SHISA6: variants seen among roughly 807,000 people sequenced by gnomAD.
SHISA6 encodes the protein shisa family member 6.
A neutral mutation model predicts 47.9 loss-of-function variants in SHISA6; 22 were observed. The ratio of observed to expected loss-of-function variants is 0.46; its 90% confidence interval spans 0.33 to 0.66. The LOEUF (loss-of-function observed/expected upper bound fraction) is 0.66. Among genes scored for constraint, SHISA6 ranks in the 30% least tolerant of loss-of-function variants. The pLI, the probability that SHISA6 is intolerant of heterozygous loss-of-function variation, is 0.02. For missense variants in SHISA6, 680 were observed against 764.6 expected (o/e 0.89, Z 1.30); for synonymous variants, 388 against 337.8 (o/e 1.15, Z -1.63).
In SHISA6 at chr17:11,434,262, C is replaced by G. The variant is rs143003592; in HGVS notation, c.895+54753C>G. On this transcript the variant is annotated intron_variant, in intron 3 of 5. Coordinates refer to ENST00000441885, the MANE Select transcript of SHISA6 (RefSeq NM_207386.4). ...TATTTTTAGTAGAGATGGGCTTTCA[C>G]TATGTTGGCCGAGACTGGTCTTGAA... Among the ~76,000 whole-genome samples the G allele has an allele frequency of 5.1e-3, 775 of 152,120 alleles. 9 individuals are homozygous for G. The highest frequency in any genetic ancestry group is 0.017 in the African/African-American group (703 of 41,500).
intron 3 of SHISA6, among the ~76,000 whole-genome samples, chr17:11,497,877 A>G (rs2071421240): frequency 6.6e-6 from 1 of 152,190 alleles, no homozygotes. Flanking sequence ...GTTAAAGCCC[A>G]TTCCTCTCTT....
intron 2 of SHISA6, among the ~76,000 whole-genome samples, chr17:11,356,591 C>T (rs984843699): frequency 6.6e-6 from 1 of 152,118 alleles, no homozygotes; most frequent in African/African-American, 2.4e-5. Context: ...AGTCACACTC[C>T]ATCTGCTTGG....
chr17:11,515,947 C>T (rs1334539202), intron 3 of SHISA6, among the ~76,000 whole-genome samples: 1 of 152,180 alleles, frequency 6.6e-6, no homozygotes, highest in Non-Finnish European at 1.5e-5. Flanking sequence ...CAGTTCTCTG[C>T]TTAATCTTTA....
At chr17:11,456,704 A>T (rs1178045637) in intron 3 of SHISA6, among the ~76,000 whole-genome samples, 1 of 151,060 alleles carries the variant, frequency 6.6e-6, no homozygotes, top group Non-Finnish European at 1.5e-5. Flanking sequence ...CCAGGGCTGG[A>T]CCGCCCCCCT....
At position 11,526,878 on chromosome 17, in the gene SHISA6, A is replaced by G. The variant is rs1293761455; in HGVS notation, c.896-25018A>G. Among the ~76,000 whole-genome samples the G allele has an allele frequency of 1.1e-3, 34 of 30,998 alleles. 1 individual carries two copies. In the Admixed American group the frequency reaches 0.015, roughly 14 times the overall value. 20.3% of individuals were successfully genotyped at this position (30,998 alleles called of 152,430 possible). On this transcript the variant is annotated intron_variant, in intron 3 of 5. Transcript: ENST00000441885. Reference sequence around the variant, plus strand: ...ATCTTGATGCCTCAAGCTATCTATCATCATATATATATATATATATATATA... The same window carrying G: ...ATCTTGATGCCTCAAGCTATCTATCGTCATATATATATATATATATATATA...
At chr17:11,302,364 T>C (rs545898908) in intron 2 of SHISA6, among the ~76,000 whole-genome samples, 199 of 152,340 alleles carry the variant, frequency 1.3e-3, no homozygotes, top group African/African-American at 4.4e-3. Context: ...AAAGTTCTTA[T>C]TCTGCACATG....
At chr17:11,446,879 T>C (rs67073041) in intron 3 of SHISA6, among the ~76,000 whole-genome samples, 21,384 of 152,206 alleles carry the variant, frequency 0.14, 1,763 homozygotes, top group African/African-American at 0.19. Context: ...CCCACAGACA[T>C]GGGAGAAGCC....
intron 3 of SHISA6, among the ~76,000 whole-genome samples, chr17:11,551,542 G>A (rs1387954046): frequency 2.6e-5 from 4 of 151,992 alleles, no homozygotes; most frequent in South Asian, 2.1e-4. Context: ...CTGCTTCCCC[G>A]GCTTAGTTCC....
At position 11,241,625 on chromosome 17, in the gene SHISA6, C is replaced by G; in HGVS notation, c.203C>G (p.Pro68Arg). The change falls in exon 1 of 6, where the codon CCG becomes CGG. Residue 68 changes from proline to arginine, a missense_variant. Transcript: ENST00000441885. This position sits in a 1 kb window ranked among gnomAD's most constrained non-coding sequence, Gnocchi z 5.5. ...GGCACCGCCCGGGCGCCCGGAATCC[C>G]GGAGGCGGGAAGCCGGCGGGGGCAG... ...LNGTARAPGI[P>R]EAGSRRGQPA... 7.5e-7 allele frequency: 1 copy of G among 1,337,054 alleles called. No individual in the cohort carries two copies. Among genetic ancestry groups the G allele is most frequent in the Non-Finnish European group, 9.5e-7 (1 of 1,054,874 alleles). 82.8% of individuals were successfully genotyped at this position (1,337,054 alleles called of 1,614,324 possible).
intron 2 of SHISA6, among the ~76,000 whole-genome samples, chr17:11,265,936 T>A (rs1168568692): frequency 2.6e-5 from 4 of 152,166 alleles, no homozygotes; most frequent in African/African-American, 9.7e-5. Context: ...TTCAAGAAAT[T>A]CTCCTCAAAT....
intron 2 of SHISA6, among the ~76,000 whole-genome samples, chr17:11,329,779 T>C (rs1003576624): frequency 9.2e-5 from 14 of 152,008 alleles, no homozygotes; most frequent in African/African-American, 2.9e-4. Flanking sequence ...TTTTAGCCAT[T>C]GTAGGGTAAA....
chr17:11,339,673 A>G (rs1351596609), intron 2 of SHISA6, among the ~76,000 whole-genome samples: 1 of 152,208 alleles, frequency 6.6e-6, no homozygotes, highest in Non-Finnish European at 1.5e-5. Context: ...TCCTTCTTCT[A>G]TCTTGCAGCA....
intron 3 of SHISA6, among the ~76,000 whole-genome samples, chr17:11,498,141 G>T (rs891177564): frequency 1.3e-5 from 2 of 152,216 alleles, no homozygotes; most frequent in African/African-American, 4.8e-5. Context: ...ACAGGTGGGA[G>T]ATACTGGGGA....
intron 2 of SHISA6, among the ~76,000 whole-genome samples, chr17:11,364,448 T>A (rs992882417): frequency 2.0e-5 from 3 of 152,240 alleles, no homozygotes; most frequent in Non-Finnish European, 4.4e-5. Context: ...GGCTTTCACT[T>A]AACGTTATAT....
intron 3 of SHISA6, among the ~76,000 whole-genome samples, chr17:11,518,060 A>G (rs1424676263): frequency 6.6e-6 from 1 of 152,100 alleles, no homozygotes; most frequent in Admixed American, 6.5e-5. Context: ...TGTCTTAGGA[A>G]GGGCAGGGCT....
At chr17:11,518,059 AAGGGCAGG>A (rs2071599731) in intron 3 of SHISA6, among the ~76,000 whole-genome samples, 1 of 152,080 alleles carries the variant, frequency 6.6e-6, no homozygotes, top group East Asian at 1.9e-4. Context: ...GTGTCTTAGG[AAGGGCAGG>A]GCTGGACACA....
chr17:11,321,186 T>C (rs1479636386), intron 2 of SHISA6, among the ~76,000 whole-genome samples: 5 of 152,214 alleles, frequency 3.3e-5, no homozygotes, highest in Non-Finnish European at 7.3e-5. Flanking sequence ...TGCATCACTT[T>C]TATAGTTGAG....
At chr17:11,457,514 G>A (rs996547978) in intron 3 of SHISA6, among the ~76,000 whole-genome samples, 1 of 150,328 alleles carries the variant, frequency 6.7e-6, no homozygotes, top group African/African-American at 2.5e-5. Context: ...GGCAGATCAC[G>A]AAGTCAGGAG....
intron 3 of SHISA6, among the ~76,000 whole-genome samples, chr17:11,494,021 T>G (rs1176494686): frequency 6.6e-5 from 10 of 152,068 alleles, no homozygotes. Flanking sequence ...AAATACCAAT[T>G]AAGTCAGGCT....
Sources: gnomAD v4.1 joint callset for allele counts (sites outside exome capture counted in the v4.1 genomes callset) on GRCh38, gnomAD v4.1.1 for gene constraint, Gnocchi (gnomAD v3.1) non-coding constraint, MANE v1.5 for transcripts, NCBI Gene and HGNC (gene_info 2026-07-23, HGNC 2026-07-21) for gene names.